KCTD14: variants seen among roughly 807,000 people sequenced by gnomAD.
KCTD14 encodes the protein BTB/POZ domain-containing protein KCTD14.
In KCTD14, 7 loss-of-function variants were observed where a neutral mutation model predicts 5.9. That is an observed-to-expected ratio of 1.19 (90% CI 0.68 to 2.23). The LOEUF (loss-of-function observed/expected upper bound fraction) is 2.23, where lower values mean the gene tolerates loss of function less well. Among genes scored for constraint, KCTD14 ranks in the 30% most tolerant of loss-of-function variants. The pLI, the probability that KCTD14 is intolerant of heterozygous loss-of-function variation, is 0.00. For synonymous variants in KCTD14, 140 were observed against 133.1 expected (o/e 1.05, Z -0.36); for missense variants, 342 against 332.2 (o/e 1.03, Z -0.23).
At chr11:78,024,407 T>TAC, upstream of KCTD14, among the ~76,000 whole-genome samples, 2 of 126,588 alleles carry the variant, frequency 1.6e-5, no homozygotes, top group African/African-American at 3.0e-5. Flanking sequence ...AATATATATA[T>TAC]ATATACACAC....
intron 2 of KCTD14, among the ~76,000 whole-genome samples, chr11:78,030,073 C>T (rs766243693): frequency 2.0e-5 from 3 of 152,144 alleles, no homozygotes; most frequent in Non-Finnish European, 4.4e-5. Context: ...TGTGAGCCAT[C>T]GCGCCTGGCC....
chr11:78,024,376 C>T (rs1366997554), upstream of KCTD14, among the ~76,000 whole-genome samples: 1 of 63,744 alleles, frequency 1.6e-5, no homozygotes, highest in African/African-American at 6.6e-5. Context: ...CAAAGATTCC[C>T]TCTCAAAAAA....
At chr11:78,026,117 A>G (rs35841390), upstream of KCTD14, among the ~76,000 whole-genome samples, 52,321 of 152,024 alleles carry the variant, frequency 0.34, 9,236 homozygotes, top group South Asian at 0.44. Context: ...TCAGGCTACA[A>G]CTTGGTTTTA....
In KCTD14 at chr11:78,016,846, A is replaced by G; in HGVS notation, c.515T>C (p.Leu172Pro). 1 of 1,614,190 alleles carries G rather than the reference A, an allele frequency of 6.2e-7. No homozygotes were observed. Among genetic ancestry groups the G allele is most frequent in the Non-Finnish European group, 8.5e-7 (1 of 1,180,010 alleles). The part of the protein sequence containing the change: ...TARKSSVLVC[L>P]VETEEQDAYY... ...TGCATCCTGCTCCTCAGTTTCCACC[A>G]GGCACACAAGCACGCTGGACTTCCG... The change falls in exon 2 of 2, where the codon CTG (leucine) becomes CCG (proline). Residue 172 changes from leucine to proline, a missense_variant. Physicochemically the swap from Leu to Pro is moderately conservative, Grantham distance 98. Coordinates refer to ENST00000353172, the MANE Select transcript of KCTD14 (RefSeq NM_023930.4).
At chr11:78,023,599 A>G (rs569856791), upstream of KCTD14, 3 of 232,106 alleles carry the variant, frequency 1.3e-5, no homozygotes, top group East Asian at 2.4e-4. Flanking sequence ...TGCAACCTCA[A>G]CCTCCTGGGC....
At chr11:78,038,812 G>A (rs1287286204) in intron 1 of KCTD14, 2 of 1,532,168 alleles carry the variant, frequency 1.3e-6, no homozygotes, top group Non-Finnish European at 1.7e-6. Context: ...AAAGGACGAG[G>A]ACCAGGAGTT....
At position 78,023,176 on chromosome 11, in the gene KCTD14, C is replaced by A; in HGVS notation, c.74G>T (p.Arg25Leu). 1.3e-6 allele frequency: 2 copies of A among 1,592,854 alleles called. No individual in the cohort carries two copies. The highest frequency in any genetic ancestry group is 1.7e-6 in the Non-Finnish European group (2 of 1,171,682). The change falls in exon 1 of 2, where the codon CGG (arginine) becomes CTG (leucine). Residue 25 changes from arginine to leucine, a missense_variant. Transcript: ENST00000353172. ...TSQTPLPQSP[R>L]PRRPTMSTVV... ...CGCACTTACCGTTGGCCGCCTGGGC[C>A]GGGGGGACTGGGGCAGAGGGGTCTG... is the stretch of plus-strand genomic sequence containing the variant.
At chr11:78,024,171 G>A (rs1226341770), upstream of KCTD14, among the ~76,000 whole-genome samples, 1 of 151,920 alleles carries the variant, frequency 6.6e-6, no homozygotes, top group African/African-American at 2.4e-5. Flanking sequence ...GATCATTTGA[G>A]GTCAGAAGTT....
intron 2 of KCTD14, among the ~76,000 whole-genome samples, chr11:78,029,145 A>G (rs1857548737): frequency 6.6e-6 from 1 of 150,566 alleles, no homozygotes; most frequent in East Asian, 1.9e-4. Context: ...AGACCATGCC[A>G]CTGCACTCCA....
chr11:78,035,743 G>A (rs1295417989), intron 2 of KCTD14, among the ~76,000 whole-genome samples: 1 of 151,024 alleles, frequency 6.6e-6, no homozygotes, highest in African/African-American at 2.4e-5. Context: ...TACTTGGTAG[G>A]CTGAGGCAGG....
chr11:78,027,790 C>T (rs1333387813), upstream of KCTD14, among the ~76,000 whole-genome samples: 1 of 152,110 alleles, frequency 6.6e-6, no homozygotes, highest in Non-Finnish European at 1.5e-5. Flanking sequence ...GTTGCATAGA[C>T]CAAGGTTTTA....
At chr11:78,021,297 C>CCA (rs1857298575) in intron 1 of KCTD14, among the ~76,000 whole-genome samples, 1 of 85,188 alleles carries the variant, frequency 1.2e-5, no homozygotes, top group East Asian at 4.3e-4. Context: ...GACCCTGTCT[C>CCA]AAAAAAAAAA....
At chr11:78,040,958 C>G (rs1434351087) in intron 1 of KCTD14, among the ~76,000 whole-genome samples, 1 of 152,202 alleles carries the variant, frequency 6.6e-6, no homozygotes, top group East Asian at 1.9e-4. Context: ...GTGTGAGCCA[C>G]CGCGCCCGGC....
intron 1 of KCTD14, among the ~76,000 whole-genome samples, chr11:78,042,111 T>A (rs570798430): frequency 1.9e-4 from 29 of 152,372 alleles, no homozygotes; most frequent in Non-Finnish European, 3.4e-4. Flanking sequence ...GAGAGGAATC[T>A]GACATGGCTG....
At chr11:78,031,204 C>A (rs1016515974) in intron 2 of KCTD14, among the ~76,000 whole-genome samples, 1 of 151,346 alleles carries the variant, frequency 6.6e-6, no homozygotes, top group African/African-American at 2.4e-5. Context: ...ACCGCTAACA[C>A]CCAGCTAATT....
chr11:78,016,468 G>T lies in KCTD14; in HGVS notation c.*125C>A. On this transcript the variant is annotated 3_prime_UTR_variant, in exon 2 of 2. Coordinates refer to ENST00000353172, the MANE Select transcript of KCTD14 (RefSeq NM_023930.4). ...CTTAAACGAGTGATCAATATTTAGT[G>T]GCAAGACTCTAGACCAACCCTGGAA... The T allele has an allele frequency of 2.6e-6, 2 of 766,750 alleles. No homozygotes were observed. Among genetic ancestry groups the T allele is most frequent in the Non-Finnish European group, 4.2e-6 (2 of 481,094 alleles). 47.5% of individuals were successfully genotyped at this position (766,750 alleles called of 1,614,324 possible).
At chr11:78,038,818 G>T in intron 1 of KCTD14, 1 of 1,527,808 alleles carries the variant, frequency 6.5e-7, no homozygotes, top group Non-Finnish European at 8.8e-7. Flanking sequence ...CGAGGACCAG[G>T]AGTTCAGAGG....
chr11:78,039,085 A>AAC (rs1555055228), intron 1 of KCTD14, among the ~76,000 whole-genome samples: 5 of 149,030 alleles, frequency 3.4e-5, no homozygotes, highest in Non-Finnish European at 7.5e-5. Flanking sequence ...AAAAAAAAAA[A>AAC]CACAAAAAAA....
chr11:78,016,560 G>A lies in KCTD14; in HGVS notation c.*33C>T, dbSNP rs534873283. On this transcript the variant is annotated 3_prime_UTR_variant, in exon 2 of 2. Coordinates refer to ENST00000353172, the MANE Select transcript of KCTD14 (RefSeq NM_023930.4). ...GGCAACTTTTAATTTCATAAGCCAC[G>A]CCAGAATTCATAACAGTCTCTGCTC... The A allele has an allele frequency of 1.9e-4, 300 of 1,561,360 alleles. 4 individuals are homozygous for A. In the South Asian group the frequency reaches 3.2e-3, roughly 17 times the overall value.
Sources: gnomAD v4.1 joint callset for allele counts (sites outside exome capture counted in the v4.1 genomes callset) on GRCh38, gnomAD v4.1.1 for gene constraint, MANE v1.5 for transcripts, NCBI Gene and HGNC (gene_info 2026-07-23, HGNC 2026-07-21) for gene names.